ZFX: variants seen among roughly 807,000 people sequenced by gnomAD.
The protein encoded by ZFX is zinc finger protein X-linked, also known as zinc finger X-chromosomal protein.
For missense variants in ZFX, 362 were observed against 628.3 expected (o/e 0.58, Z 4.53); for synonymous variants, 196 against 226.8 (o/e 0.86, Z 1.22).
chrX:24,186,017 G>C (rs766963472), intron 5 of ZFX, among the ~76,000 whole-genome samples: 1 of 110,968 alleles, frequency 9.0e-6, no homozygotes, highest in African/African-American at 3.3e-5. Context: ...AGGTTTTGTC[G>C]TAAGTATATA....
rs746179790 is a variant in ZFX at position 24,167,878 on chromosome X, T to C, written c.-28-4837T>C. Among the ~76,000 whole-genome samples, 7 of 112,009 alleles carry C rather than the reference T, an allele frequency of 6.2e-5. No individual in the cohort carries two copies. The South Asian group carries it at 2.6e-3, about 41-fold the overall frequency. On this transcript the variant is annotated intron_variant, in intron 3 of 9. Transcript: ENST00000304543. ...TAAGTTCAAGAAGGGCTTAAGTCTT[T>C]TGATTGAAAGGCCCCACATGGTCTG...
chrX:24,167,947 AGAG>A (rs1052648655), intron 3 of ZFX, among the ~76,000 whole-genome samples: 1 of 111,807 alleles, frequency 8.9e-6, no homozygotes, highest in African/African-American at 3.2e-5. Flanking sequence ...GTGATAATAA[AGAG>A]GAAGTGATAA....
At chrX:24,176,502 G>A (rs187116495) in intron 4 of ZFX, among the ~76,000 whole-genome samples, 3 of 90,019 alleles carry the variant, frequency 3.3e-5, no homozygotes, top group African/African-American at 8.9e-5. Flanking sequence ...ATACAATCTC[G>A]GCTCAATGCA....
At chrX:24,189,824 A>C (rs1451558322) in intron 5 of ZFX, among the ~76,000 whole-genome samples, 1 of 111,913 alleles carries the variant, frequency 8.9e-6, no homozygotes, top group Non-Finnish European at 1.9e-5. Context: ...CTATTAGCAC[A>C]GAAGAGATAG....
At chrX:24,167,720 A>G (rs1184673786) in intron 3 of ZFX, among the ~76,000 whole-genome samples, 1 of 112,447 alleles carries the variant, frequency 8.9e-6, no homozygotes. Flanking sequence ...GTGTAGTAGA[A>G]AGACAAAATC....
intron 3 of ZFX, among the ~76,000 whole-genome samples, chrX:24,163,071 G>A (rs1181825757): frequency 1.8e-5 from 2 of 109,432 alleles, no homozygotes; most frequent in African/African-American, 6.6e-5. Flanking sequence ...TGACTCAAAA[G>A]TTTGCTTTAA....
In ZFX at chrX:24,185,613, G is replaced by T. The variant is rs770817552; in HGVS notation, c.646+5843G>T. Among the ~76,000 whole-genome samples the T allele has an allele frequency of 1.2e-3, 135 of 111,397 alleles. 1 individual carries two copies. Among genetic ancestry groups the T allele is most frequent in the Admixed American group, 2.6e-3 (27 of 10,523 alleles). On this transcript the variant is annotated intron_variant, in intron 5 of 9. Transcript: ENST00000304543. ...CTACAGGCGCGTGCCACCACGCCTGGCTAATTTTTGTATTTTTAGTAGAGA... is the reference window on the plus strand; with the variant it reads ...CTACAGGCGCGTGCCACCACGCCTGTCTAATTTTTGTATTTTTAGTAGAGA...
chrX:24,208,462 G>A, intron 8 of ZFX, 92 bp downstream of exon 8: 1 of 1,072,826 alleles, frequency 9.3e-7, no homozygotes, highest in Non-Finnish European at 1.3e-6. Flanking sequence ...TTAGGTTTCA[G>A]AAGTCTGAAA....
intron 5 of ZFX, among the ~76,000 whole-genome samples, chrX:24,203,401 C>G (rs1283708275): frequency 1.8e-5 from 2 of 112,371 alleles, no homozygotes. Context: ...TGAAAGTCTC[C>G]CAGTCCTGCA....
chrX:24,149,125 G>A (rs1350396673), upstream of ZFX: 1 of 109,448 alleles, frequency 9.1e-6, no homozygotes, highest in Non-Finnish European at 1.9e-5. Flanking sequence ...GCAGGGGACG[G>A]CGGGGGTTGC....
chrX:24,173,654 G>T, intron 4 of ZFX: 1 of 924,727 alleles, frequency 1.1e-6, no homozygotes, highest in South Asian at 2.1e-5. Context: ...GGCGCCATCT[G>T]GGTCCACTGC....
intron 5 of ZFX, among the ~76,000 whole-genome samples, chrX:24,181,306 G>T (rs182970574): frequency 8.9e-6 from 1 of 112,174 alleles, no homozygotes; most frequent in East Asian, 2.8e-4. Flanking sequence ...ATACAGATAT[G>T]TGCTAAATAA....
At chrX:24,194,929 T>C (rs1325441855) in intron 5 of ZFX, among the ~76,000 whole-genome samples, 1 of 109,672 alleles carries the variant, frequency 9.1e-6, no homozygotes, top group Non-Finnish European at 1.9e-5. Context: ...GTATTTTTAG[T>C]AGAGATGGGG....
At chrX:24,192,274 T>A (rs959837035) in intron 5 of ZFX, among the ~76,000 whole-genome samples, 5 of 111,727 alleles carry the variant, frequency 4.5e-5, no homozygotes, top group Admixed American at 9.5e-5. Flanking sequence ...CAGGTGTGAA[T>A]CTTGTTAAAA....
At chrX:24,177,364 TCA>T (rs1270949406) in intron 4 of ZFX, among the ~76,000 whole-genome samples, 1 of 112,495 alleles carries the variant, frequency 8.9e-6, no homozygotes, top group Non-Finnish European at 1.9e-5. Flanking sequence ...TCATTTAATC[TCA>T]CTGGGCTTCA....
At chrX:24,203,422 T>A (rs1316175921) in intron 5 of ZFX, among the ~76,000 whole-genome samples, 3 of 112,466 alleles carry the variant, frequency 2.7e-5, no homozygotes. Flanking sequence ...GCAGATGTTC[T>A]CCAGCCTCTC....
At chrX:24,166,834 A>T (rs899174393) in intron 3 of ZFX, among the ~76,000 whole-genome samples, 3 of 111,995 alleles carry the variant, frequency 2.7e-5, no homozygotes, top group African/African-American at 9.7e-5. Context: ...TGGTTGAATA[A>T]AGCAATTGGA....
In ZFX at chrX:24,210,240, A is replaced by G. The variant is rs1937979087; in HGVS notation, c.1282A>G (p.Met428Val). The change falls in exon 10 of 10, where the codon ATG (methionine) becomes GTG (valine). Residue 428 changes from methionine to valine, a missense_variant. Met to Val is a conservative substitution (Grantham distance 21, BLOSUM62 1). Coordinates refer to ENST00000304543, the MANE Select transcript of ZFX (RefSeq NM_003410.4). ...DGHPLTVYPCMICGKKFKSRG... is the reference protein window; with the variant it reads ...DGHPLTVYPCVICGKKFKSRG... ...ACATCCTTTGACTGTCTATCCTTGC[A>G]TGATTTGTGGGAAGAAGTTTAAGTC... 1 of 1,211,774 alleles carries G rather than the reference A, an allele frequency of 8.3e-7. No homozygotes were observed. The highest frequency in any genetic ancestry group is 1.1e-6 in the Non-Finnish European group (1 of 895,566).
intron 5 of ZFX, among the ~76,000 whole-genome samples, chrX:24,183,634 T>G (rs1340602011): frequency 8.9e-6 from 1 of 112,051 alleles, no homozygotes; most frequent in Admixed American, 9.5e-5. Context: ...GAGGGTTCAA[T>G]GTATATAAAC....
Sources: gnomAD v4.1 joint callset for allele counts (sites outside exome capture counted in the v4.1 genomes callset) on GRCh38, gnomAD v4.1.1 for gene constraint, MANE v1.5 for transcripts, NCBI Gene and HGNC (gene_info 2026-07-23, HGNC 2026-07-21) for gene names.